SYNE2: variants seen among roughly 807,000 people sequenced by gnomAD.
The protein encoded by SYNE2 is spectrin repeat containing nuclear envelope protein 2, also known as nesprin-2.
In SYNE2, 431 loss-of-function variants were observed where a neutral mutation model predicts 856.3. That is an observed-to-expected ratio of 0.50 (90% confidence interval 0.47 to 0.55). The LOEUF (loss-of-function observed/expected upper bound fraction) is 0.55. Ranked by LOEUF, SYNE2 falls within the 20% of genes least tolerant of loss-of-function variation. The pLI is 0.00. For synonymous variants in SYNE2, 2,923 were observed against 2,872.3 expected (o/e 1.02, Z -0.56); for missense variants, 8,129 against 8,023.2 (o/e 1.01, Z -0.50).
At chr14:64,210,851 C>T (rs2098637046) in intron 103 of SYNE2, among the ~76,000 whole-genome samples, 1 of 152,116 alleles carries the variant, frequency 6.6e-6, no homozygotes, top group South Asian at 2.1e-4. Context: ...CTCTCTCTCT[C>T]CCCCTCCCTC....
At chr14:64,099,004 T>C (rs1313822886) in intron 63 of SYNE2, 183 bp downstream of exon 63, 1 of 625,196 alleles carries the variant, frequency 1.6e-6, no homozygotes, top group African/African-American at 1.8e-5. Context: ...CCTACTTCAC[T>C]GTGTAAGAGT....
rs1428218030 is a variant in SYNE2, at chr14:64,209,357, G to A, written c.18390-71G>A. The A allele has an allele frequency of 2.5e-6, 4 of 1,612,610 alleles. No homozygotes were observed. In the Admixed American group the frequency reaches 6.7e-5, roughly 27 times the overall value. On this transcript the variant is annotated intron_variant, in intron 101 of 115. Coordinates refer to ENST00000555002, the MANE Select transcript of SYNE2 (RefSeq NM_182914.3). ...CCCCCACTAAACCGTGCGGGTGTCA[G>A]GGGATAAAAGAAGTGCAAAAGCACA...
chr14:64,222,014 TGGGGAGAAA>T (rs2098696620), intron 112 of SYNE2, among the ~76,000 whole-genome samples: 1 of 152,206 alleles, frequency 6.6e-6, no homozygotes, highest in Non-Finnish European at 1.5e-5. Context: ...TCCTGCTCAT[TGGGGAGAAA>T]TATGGTGCTC....
rs1297618061 is a variant in SYNE2, at chr14:63,990,925, A to G, written c.2473-17A>G. The G allele has an allele frequency of 8.1e-6, 13 of 1,612,510 alleles. No homozygotes were observed. Among genetic ancestry groups the G allele is most frequent in the Admixed American group, 1.7e-5 (1 of 59,966 alleles). On this transcript the variant is annotated splice_polypyrimidine_tract_variant and intron_variant, in intron 20 of 115. Transcript: ENST00000555002. The stretch of plus-strand genomic sequence containing the variant: ...AATTGGTCCCCGTGTTAATTTGAGA[A>G]TTTTTTTGTCTTCAAGATCAATGTG...
chr14:64,192,508 T>G (rs2098523133), intron 99 of SYNE2, among the ~76,000 whole-genome samples: 1 of 152,176 alleles, frequency 6.6e-6, no homozygotes, highest in Non-Finnish European at 1.5e-5. Flanking sequence ...GGGAAAGAGA[T>G]AAAACAGTGG....
chr14:63,875,216 A>G (rs1297448665), intron 1 of SYNE2, among the ~76,000 whole-genome samples: 2 of 152,080 alleles, frequency 1.3e-5, no homozygotes, highest in African/African-American at 4.8e-5. Flanking sequence ...CCAAACTTTC[A>G]AGTCTTTGAT....
At chr14:63,807,260 T>A (rs1231279634) in intron 1 of SYNE2, among the ~76,000 whole-genome samples, 1 of 151,686 alleles carries the variant, frequency 6.6e-6, no homozygotes, top group Non-Finnish European at 1.5e-5. Flanking sequence ...GTAGATAGAT[T>A]GAGCACAGGA....
intron 45 of SYNE2, among the ~76,000 whole-genome samples, chr14:64,037,837 G>A (rs555408020): frequency 4.3e-4 from 65 of 149,662 alleles, no homozygotes; most frequent in Admixed American, 3.3e-4. Context: ...CTGGCTGGGC[G>A]GGGGGCTGAC....
chr14:63,965,869 C>T (rs199505817), intron 10 of SYNE2, among the ~76,000 whole-genome samples: 44 of 152,188 alleles, frequency 2.9e-4, no homozygotes, highest in East Asian at 9.6e-4. Flanking sequence ...ATTTTTTTCT[C>T]GACAAAGTGC....
At chr14:63,863,045 G>A (rs984520329) in intron 1 of SYNE2, among the ~76,000 whole-genome samples, 2 of 152,082 alleles carry the variant, frequency 1.3e-5, no homozygotes, top group South Asian at 2.1e-4. Context: ...TGACCTGCCC[G>A]CCTCAGCCTC....
At chr14:63,874,123 C>T (rs965044212) in intron 1 of SYNE2, 3 of 152,348 alleles carry the variant, frequency 2.0e-5, no homozygotes, top group African/African-American at 7.2e-5. Flanking sequence ...TTCCTTCTCT[C>T]CCTTCCTGTA....
intron 84 of SYNE2, among the ~76,000 whole-genome samples, chr14:64,147,034 T>A (rs1049208923): frequency 2.0e-5 from 3 of 152,234 alleles, no homozygotes; most frequent in Non-Finnish European, 4.4e-5. Context: ...ATCTCCACTT[T>A]AGCCTTCTGA....
At chr14:64,219,489 A>C in intron 110 of SYNE2, 79 bp downstream of exon 110, 2 of 1,422,646 alleles carry the variant, frequency 1.4e-6, no homozygotes, top group East Asian at 4.6e-5. Context: ...AGCAGATCCC[A>C]TGTATTCGTG....
At chr14:63,956,507 A>G in intron 8 of SYNE2, 1 of 447,416 alleles carries the variant, frequency 2.2e-6, no homozygotes, top group Non-Finnish European at 4.5e-6. Flanking sequence ...ACACTCACTG[A>G]CCAGGTGACT....
chr14:63,871,206 ATT>A (rs754457622), intron 1 of SYNE2, among the ~76,000 whole-genome samples: 9 of 141,456 alleles, frequency 6.4e-5, no homozygotes, highest in Admixed American at 1.4e-4. Context: ...GGAGATTTGA[ATT>A]TTTTTTTTTT....
intron 78 of SYNE2, among the ~76,000 whole-genome samples, chr14:64,135,644 A>G (rs1317531327): frequency 6.6e-6 from 1 of 152,234 alleles, no homozygotes; most frequent in Admixed American, 6.5e-5. Context: ...CCAACCTAAT[A>G]TGAGTGTGAT....
chr14:64,153,861 C>G (rs2098265262), intron 85 of SYNE2, among the ~76,000 whole-genome samples: 1 of 151,884 alleles, frequency 6.6e-6, no homozygotes, highest in South Asian at 2.1e-4. Flanking sequence ...ATTGAGAGTC[C>G]AGAAATAAGC....
intron 2 of SYNE2, among the ~76,000 whole-genome samples, chr14:63,915,555 C>T (rs142058483): frequency 1.3e-5 from 2 of 152,210 alleles, no homozygotes; most frequent in East Asian, 3.9e-4. Context: ...ATTACCTTTG[C>T]CACCACACAG....
At chr14:63,970,221 C>G (rs1368435210) in intron 11 of SYNE2, among the ~76,000 whole-genome samples, 1 of 152,042 alleles carries the variant, frequency 6.6e-6, no homozygotes, top group Non-Finnish European at 1.5e-5. Context: ...TCGAATCTCA[C>G]TCTGTTGTCC....
Sources: allele counts gnomAD v4.1 joint callset (sites outside exome capture counted in the v4.1 genomes callset), GRCh38; gene constraint gnomAD v4.1.1; transcripts MANE v1.5; gene names NCBI Gene and HGNC (gene_info 2026-07-23, HGNC 2026-07-21).